The following KRT32 variants were observed in gnomAD, a reference collection of about 807,000 sequenced individuals.
The protein encoded by KRT32 is keratin 32, also known as keratin, type I cuticular Ha2.
A neutral mutation model predicts 41.8 loss-of-function variants in KRT32; 44 were observed. The ratio of observed to expected loss-of-function variants is 1.05; its 90% CI spans 0.83 to 1.35. KRT32 has a LOEUF of 1.35. KRT32 is among the 40% of genes most tolerant of loss of function. The pLI is 0.00. For missense variants in KRT32, 576 were observed against 584.6 expected, an observed-to-expected ratio of 0.99 and a Z score of 0.15; for synonymous variants, 238 against 242.5, an observed-to-expected ratio of 0.98 and a Z score of 0.17.
intron 3 of KRT32, 99 bp from the exon 4 acceptor site, chr17:41,464,542 A>C (rs2019046791): frequency 1.0e-5 from 12 of 1,198,184 alleles, no homozygotes; most frequent in African/African-American, 1.5e-5. Flanking sequence ...GTTGCTAAAG[A>C]TTGAAACATT....
chr17:41,460,198 C>G lies in KRT32; in HGVS notation c.1259G>C (p.Cys420Ser), dbSNP rs370472390. 20 of 1,610,394 alleles carry G rather than the reference C, an allele frequency of 1.2e-5. No homozygotes were observed. Among genetic ancestry groups the G allele is most frequent in the Middle Eastern group, 1.6e-4 (1 of 6,068 alleles). ...NPCSTPSCTTCVPSPCVPRTV... is the reference protein window; with the variant it reads ...NPCSTPSCTTSVPSPCVPRTV... ...GCGGGGCACGCATGGGGAGGGCACA[C>G]AGGTGGTGCAGGAAGGAGTGGAGCA... Residue 420 changes from cysteine (C) to serine (S), a missense_variant, in exon 7 of 7, where the codon TGT becomes TCT. Cys to Ser is a moderately radical substitution (Grantham distance 112). Coordinates refer to ENST00000225899, the MANE Select transcript of KRT32 (RefSeq NM_002278.3).
rs899026614 is a variant in KRT32, at chr17:41,464,115, T to A, written c.959A>T (p.Asn320Ile). Residue 320 changes from asparagine to isoleucine, a missense_variant, in exon 5 of 7, where the codon AAC becomes ATC. By Grantham distance (149) the Asn-to-Ile change is moderately radical. Coordinates refer to ENST00000225899, the MANE Select transcript of KRT32 (RefSeq NM_002278.3). ...SDIIDLRRTVNTLEIELQAQH... is the reference protein window; with the variant it reads ...SDIIDLRRTVITLEIELQAQH... ...GGCCTGCAGCTCGATCTCCAGCGTG[T>A]TGACCGTGCGTCTCAGGTCAATGAT... The A allele has an allele frequency of 8.1e-6, 13 of 1,611,496 alleles. No homozygotes were observed. Among genetic ancestry groups the A allele is most frequent in the Non-Finnish European group, 1.0e-5 (12 of 1,178,620 alleles).
intron 5 of KRT32, 77 bp from the exon 6 acceptor site, chr17:41,463,127 C>A: frequency 1.4e-6 from 2 of 1,393,540 alleles, no homozygotes; most frequent in Non-Finnish European, 2.0e-6. Flanking sequence ...CAAGAAGAGC[C>A]AAATCTCCCT....
At position 41,460,235 on chromosome 17, in the gene KRT32, G is replaced by T. The variant is rs1160777593; in HGVS notation, c.1222C>A (p.Pro408Thr). The T allele has an allele frequency of 1.3e-6, 2 of 1,594,244 alleles. No homozygotes were observed. The highest frequency in any genetic ancestry group is 1.8e-5 in the Admixed American group (1 of 56,830). ...GAAGGAGTGGAGCATGGGTTACAGGGCAGCCTGCAGGAGAAAGTCAAAGAG... is the reference window on the plus strand; with the variant it reads ...GAAGGAGTGGAGCATGGGTTACAGGTCAGCCTGCAGGAGAAAGTCAAAGAG... ...SLLENEDCKL[P>T]CNPCSTPSCT... Residue 408 changes from proline to threonine, a missense_variant, in exon 7 of 7, where the codon CCC (proline) becomes ACC (threonine). Pro to Thr is a conservative substitution (Grantham distance 38). Coordinates refer to ENST00000225899, the MANE Select transcript of KRT32 (RefSeq NM_002278.3).
At chr17:41,465,742 G>C in intron 3 of KRT32, 31 bp downstream of exon 3, 1 of 1,590,950 alleles carries the variant, frequency 6.3e-7, no homozygotes, top group Non-Finnish European at 8.6e-7. Flanking sequence ...TCTGCTTCCC[G>C]GGGCCACTTC....
Position 41,466,195 on chromosome 17 carries a change from G to A in KRT32, c.469-19C>T. On this transcript the variant is annotated intron_variant, in intron 1 of 6. Transcript: ENST00000225899. ...ACAGAATCTGTAGGCCAAGGCACAT[G>A]GAGAGGGTTAGTTCAGGATGAGACG... 1.9e-6 allele frequency: 3 copies of A among 1,606,254 alleles called. No individual in the cohort carries two copies. The highest frequency in any genetic ancestry group is 2.6e-6 in the Non-Finnish European group (3 of 1,174,004).
At position 41,463,076 on chromosome 17, in the gene KRT32, G is replaced by A. The variant is rs747113180; in HGVS notation, c.997-26C>T. ...CTAAGGCAAAGGAAGACATAACCATGAGGAAGGGAGCTGTTTACCATGGCC... is the reference window on the plus strand; with the variant it reads ...CTAAGGCAAAGGAAGACATAACCATAAGGAAGGGAGCTGTTTACCATGGCC... On this transcript the variant is annotated intron_variant, in intron 5 of 6. Transcript: ENST00000225899. The A allele has an allele frequency of 2.5e-6, 4 of 1,590,990 alleles. No homozygotes were observed. The East Asian group carries it at 6.7e-5, about 27-fold the overall frequency.
Position 41,467,352 on chromosome 17 carries a change from A to G in KRT32, c.-27T>C. On this transcript the variant is annotated 5_prime_UTR_variant, in exon 1 of 7. Coordinates refer to ENST00000225899, the MANE Select transcript of KRT32 (RefSeq NM_002278.3). ...TTGGAGAGGCCCTTTCTCCTCAGCC[A>G]CAGCTACCTGGATGTCTACAGACCC... 6.4e-7 allele frequency: 1 copy of G among 1,553,242 alleles called. No individual in the cohort carries two copies. The highest frequency in any genetic ancestry group is 8.8e-7 in the Non-Finnish European group (1 of 1,140,486).
chr17:41,464,328 AT>A lies in KRT32; in HGVS notation c.823del (p.Met275TrpfsTer41). On this transcript the variant is annotated frameshift_variant, in exon 4 of 7. Transcript: ENST00000225899. LOFTEE classifies it high-confidence loss of function. ...LEEMRCQYEAMVEANRRDVEE... is the reference protein window; with the variant it reads ...LEEMRCQYEAXVEANRRDVEE... ...CACGTCCCTGCGGTTGGCCTCCACCATGGCCTCGTACTGACACCGCATCTCC... is the reference window on the plus strand; with the variant it reads ...CACGTCCCTGCGGTTGGCCTCCACCAGGCCTCGTACTGACACCGCATCTCC... 6.2e-7 allele frequency: 1 copy of A among 1,611,136 alleles called. No individual in the cohort carries two copies. The highest frequency in any genetic ancestry group is 1.1e-5 in the South Asian group (1 of 90,750).
At position 41,467,308 on chromosome 17, in the gene KRT32, A is replaced by G. The variant is rs1484906895; in HGVS notation, c.18T>C (p.Cys6=). The G allele has an allele frequency of 6.2e-7, 1 of 1,609,000 alleles. No individual in the cohort carries two copies. The highest frequency in any genetic ancestry group is 8.5e-7 in the Non-Finnish European group (1 of 1,177,268). The part of the protein sequence containing the change: MTSSC[C]VTNNLQASLK... ...GAGAGGCTTGCAAGTTGTTGGTGACACAGCAGGAGGATGTCATGTTGGAGA... is the reference window on the plus strand; with the variant it reads ...GAGAGGCTTGCAAGTTGTTGGTGACGCAGCAGGAGGATGTCATGTTGGAGA... The change falls in exon 1 of 7, where the codon TGT becomes TGC. Residue 6 remains cysteine (C), a synonymous_variant. Coordinates refer to ENST00000225899, the MANE Select transcript of KRT32 (RefSeq NM_002278.3).
chr17:41,465,841 C>T lies in KRT32; in HGVS notation c.640G>A (p.Ala214Thr). 6.2e-7 allele frequency: 1 copy of T among 1,614,090 alleles called. No individual in the cohort carries two copies. Among genetic ancestry groups the T allele is most frequent in the Non-Finnish European group, 8.5e-7 (1 of 1,179,964 alleles). ...RILDDLTLCKADLEAQVESLK... is the reference protein window; with the variant it reads ...RILDDLTLCKTDLEAQVESLK... Reference sequence around the variant, plus strand: ...GACTCAACCTGGGCCTCCAGGTCAGCCTTGCACAGAGTGAGATCATCCAGG... The same window carrying T: ...GACTCAACCTGGGCCTCCAGGTCAGTCTTGCACAGAGTGAGATCATCCAGG... Residue 214 changes from alanine (A) to threonine (T), a missense_variant, in exon 3 of 7, where the codon GCT (alanine) becomes ACT (threonine). Coordinates refer to ENST00000225899, the MANE Select transcript of KRT32 (RefSeq NM_002278.3).
At chr17:41,462,744 G>T in intron 6 of KRT32, 86 bp downstream of exon 6, 4 of 1,417,268 alleles carry the variant, frequency 2.8e-6, no homozygotes, top group Non-Finnish European at 2.9e-6. Context: ...TAAGCTGATG[G>T]TCCCTCAAGG....
In KRT32 at chr17:41,462,963, C is replaced by T. The variant is rs1305173660; in HGVS notation, c.1084G>A (p.Glu362Lys). 6.2e-7 allele frequency: 1 copy of T among 1,613,932 alleles called. No individual in the cohort carries two copies. The highest frequency in any genetic ancestry group is 8.5e-7 in the Non-Finnish European group (1 of 1,179,940). ...GCCCGGATCTCAGCCAGCTGGGCCT[C>T]AACGTTGGTGATCATGCACTGCATC... ...AQMQCMITNVEAQLAEIRADL... is the reference protein window; with the variant it reads ...AQMQCMITNVKAQLAEIRADL... The change falls in exon 6 of 7, where the codon GAG becomes AAG. Residue 362 changes from glutamate to lysine, a missense_variant. By Grantham distance (56) the Glu-to-Lys change is moderately conservative. Coordinates refer to ENST00000225899, the MANE Select transcript of KRT32 (RefSeq NM_002278.3).
At chr17:41,463,380 C>T (rs1194993251) in intron 5 of KRT32, among the ~76,000 whole-genome samples, 1 of 152,220 alleles carries the variant, frequency 6.6e-6, no homozygotes, top group African/African-American at 2.4e-5. Flanking sequence ...AACCTGGCTG[C>T]ACATTAGCGC....
Position 41,465,859 on chromosome 17 carries a change from C to T in KRT32, c.622G>A (p.Asp208Asn). Reference sequence around the variant, plus strand: ...AGGTCAGCCTTGCACAGAGTGAGATCATCCAGGATCCTGCGCAGGCCATTG... The same window carrying T: ...AGGTCAGCCTTGCACAGAGTGAGATTATCCAGGATCCTGCGCAGGCCATTG... The part of the protein sequence containing the change: ...DINGLRRILD[D>N]LTLCKADLEA... The change falls in exon 3 of 7, where the codon GAT becomes AAT. Residue 208 changes from aspartate (D) to asparagine (N), a missense_variant. Coordinates refer to ENST00000225899, the MANE Select transcript of KRT32 (RefSeq NM_002278.3). 6.2e-7 allele frequency: 1 copy of T among 1,614,100 alleles called. No individual in the cohort carries two copies. Among genetic ancestry groups the T allele is most frequent in the Non-Finnish European group, 8.5e-7 (1 of 1,179,996 alleles).
chr17:41,466,040 C>A (rs1597743134), intron 2 of KRT32, 54 bp downstream of exon 2: 1 of 1,607,540 alleles, frequency 6.2e-7, no homozygotes, highest in East Asian at 2.2e-5. Flanking sequence ...GAAAGTTGCC[C>A]CAGAGCCTAT....
Position 41,467,183 on chromosome 17 carries a change from G to T in KRT32, c.143C>A (p.Pro48His). ...GAAGGTGGTGGGCAGGCAGACCGAA[G>T]GCAGGCATGCCATGGGCTGGCAGAC... ...GYVCQPMACL[P>H]SVCLPTTFRP... is the part of the protein sequence containing the mutation. The change falls in exon 1 of 7, where the codon CCT (proline) becomes CAT (histidine). Residue 48 changes from proline to histidine, a missense_variant. By Grantham distance (77) the Pro-to-His change is moderately conservative. Transcript: ENST00000225899. The T allele has an allele frequency of 6.2e-7, 1 of 1,614,012 alleles. No individual in the cohort carries two copies. The highest frequency in any genetic ancestry group is 2.2e-5 in the East Asian group (1 of 44,882).
Position 41,467,322 on chromosome 17 carries a change from T to A in KRT32, c.4A>T (p.Thr2Ser). 4.4e-6 allele frequency: 7 copies of A among 1,603,824 alleles called. No homozygotes were observed. The highest frequency in any genetic ancestry group is 6.0e-6 in the Non-Finnish European group (7 of 1,174,488). Residue 2 changes from threonine (T) to serine (S), a missense_variant, in exon 1 of 7, where the codon ACA (threonine) becomes TCA (serine). Physicochemically the swap from Thr to Ser is moderately conservative, Grantham distance 58. Coordinates refer to ENST00000225899, the MANE Select transcript of KRT32 (RefSeq NM_002278.3). Reference sequence around the variant, plus strand: ...TTGTTGGTGACACAGCAGGAGGATGTCATGTTGGAGAGGCCCTTTCTCCTC... The same window carrying A: ...TTGTTGGTGACACAGCAGGAGGATGACATGTTGGAGAGGCCCTTTCTCCTC... M[T>S]SSCCVTNNLQ... is the part of the protein sequence containing the mutation.
chr17:41,465,723 T>C (rs2019058697), intron 3 of KRT32, 50 bp downstream of exon 3: 2 of 1,581,646 alleles, frequency 1.3e-6, no homozygotes, highest in Non-Finnish European at 1.7e-6. Flanking sequence ...TACCCCACGT[T>C]CCTCCCCCTC....
Sources: gnomAD v4.1 joint callset for allele counts (sites outside exome capture counted in the v4.1 genomes callset) on GRCh38, gnomAD v4.1.1 for gene constraint, MANE v1.5 for transcripts, NCBI Gene and HGNC (gene_info 2026-07-23, HGNC 2026-07-21) for gene names.